IDO1: variants seen among roughly 807,000 people sequenced by gnomAD.
The protein encoded by IDO1 is indolamine 2,3 dioxygenase.
In IDO1, 35 loss-of-function variants were observed where a neutral mutation model predicts 38.8. The observed-to-expected ratio is 0.90, with a 90% CI of 0.69 to 1.20. The LOEUF is 1.20. IDO1 is among the 50% of genes most tolerant of loss of function. The pLI is 0.00. For missense variants in IDO1, 509 were observed against 485.1 expected (o/e 1.05, Z -0.46); for synonymous variants, 171 against 170.0 (o/e 1.01, Z -0.05).
At chr8:39,918,603 A>C (rs1364424651) in intron 3 of IDO1, among the ~76,000 whole-genome samples, 9 of 151,900 alleles carry the variant, frequency 5.9e-5, no homozygotes, top group Non-Finnish European at 1.3e-4. Context: ...AAAAATAGCC[A>C]GGCATGGTGG....
chr8:39,918,071 G>T lies in IDO1; in HGVS notation c.184-17G>T. On this transcript the variant is annotated splice_polypyrimidine_tract_variant and intron_variant, in intron 2 of 9. Transcript: ENST00000518237. ...TTACTGAGATTGATTTGAGTCAATT[G>T]CTCCATTTGTTTTCAGTTAAACATG... 6.2e-7 allele frequency: 1 copy of T among 1,613,658 alleles called. No individual in the cohort carries two copies. Among genetic ancestry groups the T allele is most frequent in the Non-Finnish European group, 8.5e-7 (1 of 1,179,718 alleles).
chr8:39,918,721 G>T, intron 3 of IDO1, 94 bp from the exon 4 acceptor site: 1 of 694,610 alleles, frequency 1.4e-6, no homozygotes, highest in Admixed American at 2.8e-5. Flanking sequence ...GCTCCAGCCT[G>T]GGGGACAGGA....
chr8:39,918,175 G>A lies in IDO1; in HGVS notation c.271G>A (p.Val91Met). The A allele has an allele frequency of 6.2e-7, 1 of 1,613,974 alleles. No homozygotes were observed. The highest frequency in any genetic ancestry group is 8.5e-7 in the Non-Finnish European group (1 of 1,179,854). ...TCTGGGATGCATCACCATGGCATAT[G>A]TGTGGGGCAAAGGTCATGGAGATGT... ...LVLGCITMAY[V>M]WGKGHGDVRK... Residue 91 changes from valine to methionine, a missense_variant, in exon 3 of 10, where the codon GTG becomes ATG. Transcript: ENST00000518237.
intron 3 of IDO1, chr8:39,918,452 T>A: frequency 1.9e-6 from 1 of 518,886 alleles, no homozygotes; most frequent in Non-Finnish European, 3.4e-6. Context: ...ATAAAACTAA[T>A]ACAGACTGCA....
intron 3 of IDO1, 45 bp from the exon 4 acceptor site, chr8:39,918,762 AAAAAAAAC>A (rs1807220656): frequency 4.1e-6 from 3 of 730,556 alleles, no homozygotes; most frequent in Non-Finnish European, 6.7e-6. Flanking sequence ...AAAAAAAAAA[AAAAAAAAC>A]AACAACAACA....
chr8:39,917,821 G>A (rs1807196868), intron 1 of IDO1, 54 bp from the exon 2 acceptor site: 8 of 1,248,018 alleles, frequency 6.4e-6, no homozygotes, highest in Non-Finnish European at 9.2e-6. Flanking sequence ...TCAGTGGGAA[G>A]CCAAATCTAC....
intron 1 of IDO1, 128 bp from the exon 2 acceptor site, chr8:39,917,747 C>T (rs991280206): frequency 3.1e-6 from 2 of 635,676 alleles, no homozygotes; most frequent in Admixed American, 5.4e-5. Context: ...CTGGTGTTTC[C>T]AGACAGGTAA....
At chr8:39,917,674 A>C (rs1807194217) in intron 1 of IDO1, among the ~76,000 whole-genome samples, 1 of 152,206 alleles carries the variant, frequency 6.6e-6, no homozygotes. Context: ...GTTTGAAGAG[A>C]GAGGAAGAGG....
At chr8:39,924,681 T>G in intron 7 of IDO1, 40 bp from the exon 8 acceptor site, 1 of 1,436,840 alleles carries the variant, frequency 7.0e-7, no homozygotes, top group South Asian at 1.2e-5. Flanking sequence ...CCTGTATACC[T>G]CTGATGCTGC....
At chr8:39,926,170 G>A (rs1807356980) in intron 9 of IDO1, among the ~76,000 whole-genome samples, 1 of 152,102 alleles carries the variant, frequency 6.6e-6, no homozygotes, top group African/African-American at 2.4e-5. Flanking sequence ...CTAGGCAAGA[G>A]TGCGAGACTC....
At position 39,922,590 on chromosome 8, in the gene IDO1, G is replaced by A. The variant is rs1563416341; in HGVS notation, c.476G>A (p.Cys159Tyr). 3.7e-6 allele frequency: 6 copies of A among 1,613,620 alleles called. No homozygotes were observed. Among genetic ancestry groups the A allele is most frequent in the Non-Finnish European group, 5.1e-6 (6 of 1,179,590 alleles). ...DVLFSFRDGD[C>Y]SKGFFLVSLL... ...TTGTTCTCATTTCGTGATGGAGACTGCAGTAAAGGATTCTTCCTGGTCTCT... is the reference window on the plus strand; with the variant it reads ...TTGTTCTCATTTCGTGATGGAGACTACAGTAAAGGATTCTTCCTGGTCTCT... Residue 159 changes from cysteine to tyrosine, a missense_variant, in exon 6 of 10, where the codon TGC becomes TAC. By Grantham distance (194) the Cys-to-Tyr change is radical. Transcript: ENST00000518237.
chr8:39,916,181 T>C (rs776605319), intron 1 of IDO1, among the ~76,000 whole-genome samples: 7 of 134,584 alleles, frequency 5.2e-5, no homozygotes, highest in Non-Finnish European at 1.1e-4. Flanking sequence ...ATAATAATAA[T>C]AATAGTAATT....
chr8:39,927,824 C>T lies in IDO1; in HGVS notation c.857-6C>T. The stretch of plus-strand genomic sequence containing the variant: ...TCCGTATTTCCTCTTTCTCTTTTTC[C>T]TATAGGACATGCTGCTCAGTTCCTC... On this transcript the variant is annotated splice_region_variant and splice_polypyrimidine_tract_variant and intron_variant, in intron 9 of 9. Coordinates refer to ENST00000518237, the MANE Select transcript of IDO1 (RefSeq NM_002164.6). 4 of 1,496,836 alleles carry T rather than the reference C, an allele frequency of 2.7e-6. No individual in the cohort carries two copies. The highest frequency in any genetic ancestry group is 3.6e-6 in the Non-Finnish European group (4 of 1,122,266). The allele number at this position is 1,496,836 out of a possible 1,614,324, so 92.7% of individuals were successfully genotyped here.
In IDO1 at chr8:39,918,151, C is replaced by G. The variant is rs763717877; in HGVS notation, c.247C>G (p.Leu83Val). The change falls in exon 3 of 10, where the codon CTG (leucine) becomes GTG (valine). Residue 83 changes from leucine (L) to valine (V), a missense_variant. Physicochemically the swap from Leu to Val is conservative, Grantham distance 32. Transcript: ENST00000518237. The stretch of plus-strand genomic sequence containing the variant: ...GTCACAGCGCCTTGCACGTCTAGTT[C>G]TGGGATGCATCACCATGGCATATGT... ...HKSQRLARLV[L>V]GCITMAYVWG... 1.2e-6 allele frequency: 2 copies of G among 1,613,916 alleles called. No individual in the cohort carries two copies. The highest frequency in any genetic ancestry group is 1.7e-6 in the Non-Finnish European group (2 of 1,179,854).
chr8:39,925,226 G>A lies in IDO1; in HGVS notation c.711G>A (p.Trp237Ter), dbSNP rs1208984464. ...TTTTCTTTCTTTCCTCTGATAGCTG[G>A]AAAGGCAACCCCCAGCTATCAGACG... ...FSVLRIYLSG[W>*]KGNPQLSDGL... Residue 237 changes from tryptophan to a stop codon, truncating the protein, a stop_gained, in exon 9 of 10, where the codon TGG (tryptophan) becomes TGA (stop). Coordinates refer to ENST00000518237, the MANE Select transcript of IDO1 (RefSeq NM_002164.6). LOFTEE classifies it high-confidence loss of function. 6.3e-7 allele frequency: 1 copy of A among 1,576,910 alleles called. No individual in the cohort carries two copies. The highest frequency in any genetic ancestry group is 8.6e-7 in the Non-Finnish European group (1 of 1,166,700).
intron 3 of IDO1, chr8:39,918,465 A>T: frequency 2.0e-6 from 1 of 495,010 alleles, no homozygotes; most frequent in Non-Finnish European, 3.6e-6. Flanking sequence ...AGACTGCAAT[A>T]TCTAACCTTT....
chr8:39,918,460 G>A, intron 3 of IDO1: 1 of 499,808 alleles, frequency 2.0e-6, no homozygotes, highest in Non-Finnish European at 3.5e-6. Flanking sequence ...AATACAGACT[G>A]CAATATCTAA....
At chr8:39,914,562 G>C (rs1239217076) in intron 1 of IDO1, among the ~76,000 whole-genome samples, 3 of 152,088 alleles carry the variant, frequency 2.0e-5, no homozygotes, top group African/African-American at 7.2e-5. Flanking sequence ...TTGTTTGCAA[G>C]TCTTACCTAT....
chr8:39,919,192 A>C (rs1807231144), intron 4 of IDO1: 1 of 557,462 alleles, frequency 1.8e-6, no homozygotes, highest in African/African-American at 1.9e-5. Context: ...TATTATATAC[A>C]TACATACACC....
Sources: allele counts gnomAD v4.1 joint callset (sites outside exome capture counted in the v4.1 genomes callset), GRCh38; gene constraint gnomAD v4.1.1; transcripts MANE v1.5; gene names NCBI Gene and HGNC (gene_info 2026-07-23, HGNC 2026-07-21).